PALD1: variants seen among roughly 807,000 people sequenced by gnomAD.
PALD1 encodes the protein paladin.
A neutral mutation model predicts 96.0 loss-of-function variants in PALD1; 57 were observed. That is an observed-to-expected ratio of 0.59 (90% CI 0.48 to 0.74). PALD1 has a LOEUF of 0.74. Ranked by LOEUF, PALD1 falls within the 30% of genes least tolerant of loss-of-function variation. The pLI, the probability that PALD1 is intolerant of heterozygous loss-of-function variation, is 0.00. For synonymous variants in PALD1, 464 were observed against 473.6 expected (o/e 0.98, Z 0.26); for missense variants, 1,063 against 1,143.7 (o/e 0.93, Z 1.02).
intron 5 of PALD1, 44 bp downstream of exon 5, chr10:70,531,498 A>G: frequency 6.4e-7 from 1 of 1,558,414 alleles, no homozygotes; most frequent in East Asian, 2.3e-5. Flanking sequence ...CCCACAGCCC[A>G]GCTTTGCAGA....
intron 18 of PALD1, among the ~76,000 whole-genome samples, chr10:70,556,713 C>G (rs988691257): frequency 6.6e-6 from 1 of 152,212 alleles, no homozygotes. Flanking sequence ...CAACAAACAT[C>G]CATTGAGCAG....
rs565946037 is a variant in PALD1 at position 70,541,490 on chromosome 10, C to A, written c.2077C>A (p.Leu693Ile). ...CTTCCCCGAGGTGGGTGAGGAGGAGCTCGTGAGTGTGCCTGATGCCAAGTT... is the reference window on the plus strand; with the variant it reads ...CTTCCCCGAGGTGGGTGAGGAGGAGATCGTGAGTGTGCCTGATGCCAAGTT... Reference protein sequence around the residue: ...QGFPEVGEEELVSVPDAKFTK... With the variant: ...QGFPEVGEEEIVSVPDAKFTK... Residue 693 changes from leucine (L) to isoleucine (I), a missense_variant, in exon 17 of 20, where the codon CTC becomes ATC. Physicochemically the swap from Leu to Ile is conservative, Grantham distance 5 (BLOSUM62 2). Coordinates refer to ENST00000263563, the MANE Select transcript of PALD1 (RefSeq NM_014431.3). The A allele has an allele frequency of 5.3e-4, 850 of 1,613,964 alleles. 8 individuals are homozygous for A. The South Asian group carries it at 8.0e-3, about 15-fold the overall frequency.
chr10:70,498,904 G>A (rs1381110224), intron 1 of PALD1, among the ~76,000 whole-genome samples: 1 of 150,824 alleles, frequency 6.6e-6, no homozygotes, highest in Non-Finnish European at 1.5e-5. Flanking sequence ...CTCCAGATTG[G>A]GCAACAAGAG....
intron 18 of PALD1, among the ~76,000 whole-genome samples, chr10:70,548,071 C>T (rs914120375): frequency 1.1e-4 from 17 of 152,030 alleles, no homozygotes; most frequent in South Asian, 4.2e-4. Context: ...TTTAGGAGGC[C>T]GAGACAGGCA....
the PALD1 span, among the ~76,000 whole-genome samples, chr10:70,473,022 T>TG: frequency 1.3e-5 from 2 of 152,206 alleles, no homozygotes; most frequent in Non-Finnish European, 2.9e-5. Flanking sequence ...TTAAGTGACT[T>TG]GCCTGAGGTC....
intron 1 of PALD1, among the ~76,000 whole-genome samples, chr10:70,512,664 G>A (rs1360065976): frequency 1.3e-5 from 2 of 152,262 alleles, no homozygotes; most frequent in East Asian, 3.8e-4. Flanking sequence ...GAAAAGTAAG[G>A]AAGCTCTGCA....
chr10:70,563,597 C>T (rs1285490925), intron 18 of PALD1, among the ~76,000 whole-genome samples: 1 of 152,220 alleles, frequency 6.6e-6, no homozygotes, highest in East Asian at 1.9e-4. Context: ...GCCAGGTGGC[C>T]TTTCTCTGTT....
intron 1 of PALD1, among the ~76,000 whole-genome samples, chr10:70,496,535 C>G (rs1846197541): frequency 6.6e-6 from 1 of 152,218 alleles, no homozygotes; most frequent in Admixed American, 6.5e-5. Flanking sequence ...CTGTTTTTAT[C>G]TGGTGTCTTT....
intron 1 of PALD1, among the ~76,000 whole-genome samples, chr10:70,496,645 A>G (rs1589174960): frequency 6.6e-6 from 1 of 152,096 alleles, no homozygotes; most frequent in Middle Eastern, 3.4e-3. Flanking sequence ...ACAATTTGTT[A>G]ATTCTTTTTC....
At chr10:70,515,593 C>A (rs1462232980) in intron 1 of PALD1, among the ~76,000 whole-genome samples, 2 of 152,182 alleles carry the variant, frequency 1.3e-5, no homozygotes, top group Non-Finnish European at 2.9e-5. Flanking sequence ...GCAGGGTCAG[C>A]CATGGTGTGG....
At chr10:70,488,959 G>A (rs958763349) in intron 1 of PALD1, among the ~76,000 whole-genome samples, 5 of 152,082 alleles carry the variant, frequency 3.3e-5, no homozygotes, top group African/African-American at 9.7e-5. Flanking sequence ...GGTTCTGGGC[G>A]GATGTGTCCT....
rs146270129 is a variant in PALD1, at chr10:70,525,805, G to C, written c.-29-118G>C. 6.6e-4 allele frequency: 508 copies of C among 766,798 alleles called. 2 individuals are homozygous for C. The highest frequency in any genetic ancestry group is 9.0e-4 in the Non-Finnish European group (417 of 461,770). The allele number at this position is 766,798 out of a possible 1,614,324, so 47.5% of individuals were successfully genotyped here. A position where few individuals can be genotyped will look rare whatever the true frequency, so the allele number is the denominator to read the frequency against. The stretch of plus-strand genomic sequence containing the variant: ...CGGTGTAGGAGGCAAGCCTGCCTCT[G>C]TCTCCAGCTGCAGAGTGAGCTGCCT... On this transcript the variant is annotated intron_variant, in intron 1 of 19. Coordinates refer to ENST00000263563, the MANE Select transcript of PALD1 (RefSeq NM_014431.3).
intron 18 of PALD1, among the ~76,000 whole-genome samples, chr10:70,556,557 ATCC>A (rs1340132134): frequency 6.6e-6 from 1 of 152,032 alleles, no homozygotes; most frequent in Non-Finnish European, 1.5e-5. Context: ...GGCTCAAGTC[ATCC>A]TCTCGCCTCA....
rs747462790 is a variant in PALD1, at chr10:70,532,676, A to C, written c.689A>C (p.Glu230Ala). 1 of 1,614,156 alleles carries C rather than the reference A, an allele frequency of 6.2e-7. No individual in the cohort carries two copies. Among genetic ancestry groups the C allele is most frequent in the Non-Finnish European group, 8.5e-7 (1 of 1,180,016 alleles). Residue 230 changes from glutamate (E) to alanine (A), a missense_variant, in exon 6 of 20, where the codon GAG (glutamate) becomes GCG (alanine). Glu to Ala is a moderately radical substitution (Grantham distance 107). Transcript: ENST00000263563. ...ENTYHVYHNT[E>A]DLWGEPHAVA... ...ACATACCATGTGTACCATAACACCG[A>C]GGACCTGTGGGGGGAGCCCCATGCT...
chr10:70,471,337 C>G, the PALD1 span, among the ~76,000 whole-genome samples: 2 of 152,200 alleles, frequency 1.3e-5, no homozygotes, highest in Non-Finnish European at 2.9e-5. Context: ...GTGTGTGCAT[C>G]TGGGTGGGTG....
At chr10:70,521,935 A>G (rs1846745086) in intron 1 of PALD1, among the ~76,000 whole-genome samples, 1 of 152,130 alleles carries the variant, frequency 6.6e-6, no homozygotes, top group Admixed American at 6.5e-5. Context: ...CAAAGGAAAT[A>G]TGTTTCATTG....
chr10:70,470,481 C>T, the PALD1 span, among the ~76,000 whole-genome samples: 1 of 145,150 alleles, frequency 6.9e-6, no homozygotes, highest in African/African-American at 2.5e-5. Context: ...CTACAGCCTT[C>T]CAGAGGTTGA....
intron 18 of PALD1, among the ~76,000 whole-genome samples, chr10:70,553,099 C>T (rs969190143): frequency 1.3e-5 from 2 of 152,128 alleles, no homozygotes; most frequent in African/African-American, 2.4e-5. Flanking sequence ...AAGATCCTGT[C>T]GTCTCTCCTA....
At chr10:70,514,124 G>A (rs1589188967) in intron 1 of PALD1, among the ~76,000 whole-genome samples, 1 of 152,222 alleles carries the variant, frequency 6.6e-6, no homozygotes, top group East Asian at 1.9e-4. Flanking sequence ...GCCTCTGCGG[G>A]CCGTCCGGTC....
Sources: allele counts gnomAD v4.1 joint callset (sites outside exome capture counted in the v4.1 genomes callset), GRCh38; gene constraint gnomAD v4.1.1; transcripts MANE v1.5; gene names NCBI Gene and HGNC (gene_info 2026-07-23, HGNC 2026-07-21).